Variants in TIAM2 observed in about 807,000 individuals in gnomAD.
TIAM2 encodes rho guanine nucleotide exchange factor TIAM2.
Under a neutral mutation model 152.9 loss-of-function variants are expected in TIAM2, and 80 were observed. That is an observed-to-expected ratio of 0.52 (90% CI 0.44 to 0.63). The LOEUF (loss-of-function observed/expected upper bound fraction) is 0.63, where lower values mean the gene tolerates loss of function less well. Ranked by LOEUF, TIAM2 falls within the 30% of genes least tolerant of loss-of-function variation. TIAM2 has a pLI of 0.00. For synonymous variants in TIAM2, 804 were observed against 838.0 expected, an observed-to-expected ratio of 0.96 and a Z score of 0.70; for missense variants, 1,965 against 2,120.1, an observed-to-expected ratio of 0.93 and a Z score of 1.44.
At chr6:155,233,542 T>C (rs1252651873) in intron 15 of TIAM2, among the ~76,000 whole-genome samples, 1 of 152,188 alleles carries the variant, frequency 6.6e-6, no homozygotes. Flanking sequence ...AAAATGTCCT[T>C]ATCCATACAT....
intron 1 of TIAM2, among the ~76,000 whole-genome samples, chr6:155,033,839 T>C (rs770141479): frequency 1.3e-5 from 2 of 151,060 alleles, no homozygotes; most frequent in African/African-American, 2.4e-5. Flanking sequence ...GCCTTAGCCT[T>C]CTGAGTAGCC....
At chr6:155,166,390 C>T (rs1478313536) in intron 9 of TIAM2, among the ~76,000 whole-genome samples, 1 of 150,308 alleles carries the variant, frequency 6.7e-6, no homozygotes, top group Non-Finnish European at 1.5e-5. Flanking sequence ...GTGGTGTGAT[C>T]TTGGCTCGCC....
At chr6:155,220,850 TG>T (rs1358915969) in intron 15 of TIAM2, among the ~76,000 whole-genome samples, 17 of 152,302 alleles carry the variant, frequency 1.1e-4, no homozygotes, top group African/African-American at 4.1e-4. Flanking sequence ...TGTGCCACGC[TG>T]GTTTGCTGCA....
At chr6:155,060,219 C>T (rs1406181459) in intron 1 of TIAM2, among the ~76,000 whole-genome samples, 2 of 152,086 alleles carry the variant, frequency 1.3e-5, no homozygotes, top group Middle Eastern at 3.4e-3. Flanking sequence ...GCCTGACCAA[C>T]GTGGAGAAAC....
chr6:155,115,426 A>C (rs1483267640), intron 2 of TIAM2, among the ~76,000 whole-genome samples: 2 of 151,634 alleles, frequency 1.3e-5, no homozygotes, highest in South Asian at 4.2e-4. Flanking sequence ...GGAGGATTCA[A>C]CTCCTTGAGC....
rs1305717736 is a variant in TIAM2, at chr6:155,183,450, C to T, written c.3014C>T (p.Ser1005Phe). Residue 1005 changes from serine (S) to phenylalanine (F), a missense_variant, in exon 14 of 27, where the codon TCC becomes TTC. Transcript: ENST00000682666. ...QKSLLPPPNQ[S>F]QLLEEFLDNF... ...AGTCTGCTGCCCCCTCCTAACCAGTCCCAACTGCTGGAGGAATTCCTGGAT... is the reference window on the plus strand; with the variant it reads ...AGTCTGCTGCCCCCTCCTAACCAGTTCCAACTGCTGGAGGAATTCCTGGAT... The T allele has an allele frequency of 8.7e-6, 14 of 1,613,890 alleles. No individual in the cohort carries two copies. The highest frequency in any genetic ancestry group is 1.1e-5 in the Non-Finnish European group (13 of 1,180,006).
chr6:155,103,967 C>T lies in TIAM2; in HGVS notation c.-118+13588C>T, dbSNP rs556085652. 2.6e-3 allele frequency among the ~76,000 whole-genome samples: 389 copies of T among 149,562 alleles called. 2 individuals are homozygous for T. The highest frequency in any genetic ancestry group is 9.2e-3 in the African/African-American group (369 of 40,206). ...TATTTTAGTAACAGAAATGAGGCTG[C>T]TGGGTCTGAAGGAAGCAGAGCTCAT... On this transcript the variant is annotated intron_variant, in intron 2 of 26. Coordinates refer to ENST00000682666, the MANE Select transcript of TIAM2 (RefSeq NM_012454.4).
rs1055431659 is a variant in TIAM2, at chr6:154,995,681, C to T, written c.-209+189C>T. Among the ~76,000 whole-genome samples the T allele has an allele frequency of 4.0e-5, 6 of 151,810 alleles. No homozygotes were observed. The highest frequency in any genetic ancestry group is 1.5e-4 in the African/African-American group (6 of 41,376). ...GTCGCGGCTGCGGGGCGCGGCCTGG[C>T]ACCCTCTCCCCGGAGGGCGGCAGCG... On this transcript the variant is annotated intron_variant, in intron 1 of 26. Coordinates refer to ENST00000682666, the MANE Select transcript of TIAM2 (RefSeq NM_012454.4). The surrounding 1 kb of genome is among the most constrained non-coding windows in gnomAD (Gnocchi z 5.2).
At chr6:155,246,360 A>C (rs1255638191) in intron 19 of TIAM2, among the ~76,000 whole-genome samples, 4 of 152,164 alleles carry the variant, frequency 2.6e-5, no homozygotes, top group Non-Finnish European at 5.9e-5. Context: ...ACATTTAAAA[A>C]GTGGGGTCTT....
chr6:155,028,342 CTG>C (rs202181217), intron 1 of TIAM2, among the ~76,000 whole-genome samples: 2,384 of 117,052 alleles, frequency 0.02, 305 homozygotes, highest in African/African-American at 0.085. Flanking sequence ...ATAATATATA[CTG>C]TGTTACATAT....
chr6:155,068,443 T>C (rs1777754112), intron 1 of TIAM2, among the ~76,000 whole-genome samples: 1 of 147,630 alleles, frequency 6.8e-6, no homozygotes, highest in Non-Finnish European at 1.5e-5. Context: ...TTACAGTTAA[T>C]TTTTTTTTTT....
chr6:155,138,210 G>A (rs1779600419), intron 5 of TIAM2, among the ~76,000 whole-genome samples: 1 of 152,158 alleles, frequency 6.6e-6, no homozygotes, highest in Admixed American at 6.5e-5. Context: ...AGGTATGCCT[G>A]TACCATTTTC....
chr6:155,045,910 C>G (rs1777164798), intron 1 of TIAM2, among the ~76,000 whole-genome samples: 1 of 134,354 alleles, frequency 7.4e-6, no homozygotes, highest in African/African-American at 2.8e-5. Context: ...CAACCTACTG[C>G]TGTGGTGCCC....
chr6:155,206,026 CG>C lies in TIAM2; in HGVS notation c.3065-5177del, dbSNP rs376020536. On this transcript the variant is annotated intron_variant, in intron 14 of 26. Transcript: ENST00000682666. The stretch of plus-strand genomic sequence containing the variant: ...CCCTTTAACAAATGTTTTGCCCTTT[CG>C]TTGTAAAGGATCTGGGGTTGCCAGT... Among the ~76,000 whole-genome samples, 649 of 152,256 alleles carry C rather than the reference CG, an allele frequency of 4.3e-3. 3 individuals are homozygous for C. Among genetic ancestry groups the C allele is most frequent in the African/African-American group, 0.015 (627 of 41,548 alleles).
chr6:155,224,576 G>A (rs1782174838), intron 15 of TIAM2, among the ~76,000 whole-genome samples: 2 of 152,202 alleles, frequency 1.3e-5, no homozygotes, highest in African/African-American at 4.8e-5. Flanking sequence ...AGTATGGAAG[G>A]AAGGAGGAGA....
intron 26 of TIAM2, chr6:155,255,340 T>C (rs1447321717): frequency 2.0e-5 from 3 of 152,228 alleles, no homozygotes; most frequent in Admixed American, 6.5e-5. Context: ...CAAATCACGT[T>C]GTTCTTTCTG....
chr6:155,006,269 A>G (rs1246566952), intron 1 of TIAM2, among the ~76,000 whole-genome samples: 1 of 152,198 alleles, frequency 6.6e-6, no homozygotes, highest in African/African-American at 2.4e-5. Flanking sequence ...CTCTAGTGGT[A>G]GGGACAAACA....
At chr6:155,065,089 G>T (rs572875078) in intron 1 of TIAM2, among the ~76,000 whole-genome samples, 28 of 152,078 alleles carry the variant, frequency 1.8e-4, no homozygotes, top group African/African-American at 6.3e-4. Flanking sequence ...GAGTAGCTGG[G>T]ACTACAGGCA....
Position 155,156,027 on chromosome 6 carries a change from A to G in TIAM2, c.2028+7693A>G, listed in dbSNP as rs1470935871. Reference sequence around the variant, plus strand: ...ACAGACAGTTGAGCATACAATTTCAACATAACACAGTGATTCAGTGCACGT... The same window carrying G: ...ACAGACAGTTGAGCATACAATTTCAGCATAACACAGTGATTCAGTGCACGT... On this transcript the variant is annotated intron_variant, in intron 7 of 26. Transcript: ENST00000682666. The surrounding 1 kb of genome is among the most constrained non-coding windows in gnomAD (Gnocchi z 4.4). 5.3e-5 allele frequency among the ~76,000 whole-genome samples: 8 copies of G among 152,208 alleles called. No homozygotes were observed. The highest frequency in any genetic ancestry group is 1.0e-4 in the Non-Finnish European group (7 of 68,036).
Sources: allele counts gnomAD v4.1 joint callset (sites outside exome capture counted in the v4.1 genomes callset), GRCh38; gene constraint gnomAD v4.1.1; non-coding constraint Gnocchi (gnomAD v3.1); transcripts MANE v1.5; gene names NCBI Gene and HGNC (gene_info 2026-07-23, HGNC 2026-07-21).